Variants in RNF144A observed in about 807,000 individuals in gnomAD.
The protein encoded by RNF144A is ring finger protein 144A.
RNF144A carries 11 observed loss-of-function variants against 38.7 expected under a neutral mutation model. That is an observed-to-expected ratio of 0.28 (90% CI 0.18 to 0.47). The LOEUF is 0.47. Ranked by LOEUF, RNF144A falls within the 20% of genes least tolerant of loss-of-function variation. RNF144A has a pLI of 0.99. For synonymous variants in RNF144A, 149 were observed against 143.9 expected, an observed-to-expected ratio of 1.04 and a Z score of -0.25; for missense variants, 316 against 377.2, an observed-to-expected ratio of 0.84 and a Z score of 1.34.
downstream of RNF144A, among the ~76,000 whole-genome samples, chr2:7,071,701 C>A (rs1674490987): frequency 1.3e-5 from 2 of 152,228 alleles, no homozygotes; most frequent in Admixed American, 1.3e-4. Context: ...GGATTCCCTT[C>A]TGGTGATAGT....
In RNF144A at chr2:7,041,445, T is replaced by A; in HGVS notation, c.*1685T>A. 1 of 985,886 alleles carries A rather than the reference T, an allele frequency of 1.0e-6. No homozygotes were observed. Among genetic ancestry groups the A allele is most frequent in the Non-Finnish European group, 1.2e-6 (1 of 829,924 alleles). The allele number at this position is 985,886 out of a possible 1,614,324, so 61.1% of individuals were successfully genotyped here. On this transcript the variant is annotated 3_prime_UTR_variant, in exon 9 of 9. Coordinates refer to ENST00000320892, the MANE Select transcript of RNF144A (RefSeq NM_014746.6). ...AAAATCCCTGTGTGTCAAAATTACA[T>A]TCAAAAAGCTCTCCTTGTAATTGCA...
intron 1 of RNF144A, among the ~76,000 whole-genome samples, chr2:6,933,617 GA>G (rs1665350223): frequency 6.7e-6 from 1 of 150,038 alleles, no homozygotes; most frequent in South Asian, 2.1e-4. Context: ...AAACAACTTT[GA>G]AAGGAAAAAA....
chr2:7,017,738 C>T (rs1156265518), intron 5 of RNF144A, among the ~76,000 whole-genome samples: 1 of 152,144 alleles, frequency 6.6e-6, no homozygotes, highest in African/African-American at 2.4e-5. Flanking sequence ...CATACACACA[C>T]GTGTGTAGAT....
chr2:7,020,540 G>A lies in RNF144A; in HGVS notation c.369G>A (p.Gln123=), dbSNP rs773861351. The change falls in exon 6 of 9, where the codon CAG becomes CAA. Residue 123 remains glutamine, a synonymous_variant. Coordinates refer to ENST00000320892, the MANE Select transcript of RNF144A (RefSeq NM_014746.6). ...ASTCQAVCQL[Q]DVGLQTPQPV... ...CCTGCCAAGCTGTGTGTCAGCTCCAGGACGTGGGGCTGCAGACCCCCCAGC... is the reference window on the plus strand; with the variant it reads ...CCTGCCAAGCTGTGTGTCAGCTCCAAGACGTGGGGCTGCAGACCCCCCAGC... 2 of 1,613,656 alleles carry A rather than the reference G, an allele frequency of 1.2e-6. No homozygotes were observed. The highest frequency in any genetic ancestry group is 2.2e-5 in the East Asian group (1 of 44,886).
At chr2:6,987,328 G>C (rs1572342492) in intron 2 of RNF144A, among the ~76,000 whole-genome samples, 1 of 152,146 alleles carries the variant, frequency 6.6e-6, no homozygotes, top group African/African-American at 2.4e-5. Flanking sequence ...GGCAGTGTTG[G>C]ATGCTTCTCT....
chr2:7,025,411 C>T (rs982096684), intron 7 of RNF144A, among the ~76,000 whole-genome samples: 1 of 152,198 alleles, frequency 6.6e-6, no homozygotes, highest in Non-Finnish European at 1.5e-5. Context: ...CGGTGGCTCA[C>T]GCCTATATTC....
At chr2:6,940,379 A>G (rs1665887311) in intron 1 of RNF144A, among the ~76,000 whole-genome samples, 1 of 152,202 alleles carries the variant, frequency 6.6e-6, no homozygotes, top group South Asian at 2.1e-4. Context: ...CATTCAACCA[A>G]TTCCTGCCCT....
chr2:7,016,115 AAAAAAAAG>A (rs1276367662), intron 5 of RNF144A, among the ~76,000 whole-genome samples: 3 of 151,156 alleles, frequency 2.0e-5, no homozygotes, highest in African/African-American at 7.3e-5. Flanking sequence ...AAAAAAAAAA[AAAAAAAAG>A]AAAGAAAAAG....
intron 6 of RNF144A, among the ~76,000 whole-genome samples, chr2:7,064,527 C>T (rs764955915): frequency 6.6e-5 from 10 of 152,126 alleles, no homozygotes; most frequent in Non-Finnish European, 1.2e-4. Flanking sequence ...AACTAGTAGG[C>T]AGTGCCAAAG....
chr2:7,024,252 T>C (rs1258237265), intron 6 of RNF144A, 117 bp from the exon 7 acceptor site: 1 of 939,686 alleles, frequency 1.1e-6, no homozygotes, highest in Non-Finnish European at 1.5e-6. Context: ...TGTTTTTTCA[T>C]TTAATACCAA....
rs921360225 is a variant in RNF144A, at chr2:6,985,026, G to C, written c.-11-11890G>C. Among the ~76,000 whole-genome samples the C allele has an allele frequency of 2.0e-5, 3 of 152,074 alleles. No individual in the cohort carries two copies. The South Asian group carries it at 6.2e-4, about 32-fold the overall frequency. The stretch of plus-strand genomic sequence containing the variant: ...TTCAGTGTTTCCCATGCTCTCTTCT[G>C]TTCACTGACCAGTTACTAGAAAGCA... On this transcript the variant is annotated intron_variant, in intron 2 of 8. Coordinates refer to ENST00000320892, the MANE Select transcript of RNF144A (RefSeq NM_014746.6).
At chr2:6,968,601 G>A (rs1428397818) in intron 2 of RNF144A, among the ~76,000 whole-genome samples, 1 of 152,196 alleles carries the variant, frequency 6.6e-6, no homozygotes, top group Non-Finnish European at 1.5e-5. Context: ...ACTGGGATCA[G>A]TCTATTCTCA....
chr2:7,028,432 G>A (rs527733167), intron 7 of RNF144A, among the ~76,000 whole-genome samples: 9 of 152,304 alleles, frequency 5.9e-5, no homozygotes, highest in African/African-American at 1.7e-4. Flanking sequence ...CTCAGACCTC[G>A]GAGTCAGTAT....
intron 3 of RNF144A, 111 bp downstream of exon 3, chr2:6,997,172 A>G: frequency 1.9e-6 from 2 of 1,048,832 alleles, no homozygotes; most frequent in Admixed American, 3.8e-5. Context: ...CTGACAGTGG[A>G]GTCTTCTTGT....
At chr2:6,938,232 C>CCCTCT (rs1665720410) in intron 1 of RNF144A, among the ~76,000 whole-genome samples, 1 of 137,564 alleles carries the variant, frequency 7.3e-6, no homozygotes, top group Admixed American at 7.2e-5. Flanking sequence ...CCTCCCCTCC[C>CCCTCT]CCTCTCCCCT....
rs528244405 is a variant in RNF144A at position 6,940,283 on chromosome 2, A to G, written c.-211-665A>G. ...TGGTAGTTATTAATATACAGATCTTACACATCTTTTGTTAAAGTTGTTTCT... is the reference window on the plus strand; with the variant it reads ...TGGTAGTTATTAATATACAGATCTTGCACATCTTTTGTTAAAGTTGTTTCT... On this transcript the variant is annotated intron_variant, in intron 1 of 8. Transcript: ENST00000320892. 9.2e-5 allele frequency among the ~76,000 whole-genome samples: 14 copies of G among 152,314 alleles called. No individual in the cohort carries two copies. In the South Asian group the frequency reaches 2.7e-3, roughly 29 times the overall value.
At chr2:7,033,544 G>A (rs912906375) in intron 8 of RNF144A, among the ~76,000 whole-genome samples, 3 of 152,206 alleles carry the variant, frequency 2.0e-5, no homozygotes, top group Admixed American at 6.5e-5. Context: ...GGCCGTTGCT[G>A]CCAGCTTGGT....
At chr2:6,920,330 C>T (rs1051350429) in intron 1 of RNF144A, among the ~76,000 whole-genome samples, 1 of 152,186 alleles carries the variant, frequency 6.6e-6, no homozygotes, top group Non-Finnish European at 1.5e-5. Context: ...CTTGTTGTAA[C>T]CATGGGAACC....
intron 1 of RNF144A, among the ~76,000 whole-genome samples, chr2:6,939,868 G>T (rs555851123): frequency 6.6e-6 from 1 of 152,002 alleles, no homozygotes; most frequent in South Asian, 2.1e-4. Context: ...AACCAGAAAT[G>T]TAGATGCTTA....
Sources: allele counts gnomAD v4.1 joint callset (sites outside exome capture counted in the v4.1 genomes callset), GRCh38; gene constraint gnomAD v4.1.1; transcripts MANE v1.5; gene names NCBI Gene and HGNC (gene_info 2026-07-23, HGNC 2026-07-21).